TMEM117: variants seen among roughly 807,000 people sequenced by gnomAD.
The protein encoded by TMEM117 is transmembrane protein 117.
A neutral mutation model predicts 52.4 loss-of-function variants in TMEM117; 27 were observed. The ratio of observed to expected loss-of-function variants is 0.51; its 90% CI spans 0.38 to 0.71. The LOEUF is 0.71. Ranked by LOEUF, TMEM117 falls within the 30% of genes least tolerant of loss-of-function variation. TMEM117 has a pLI of 0.00. For synonymous variants in TMEM117, 215 were observed against 206.3 expected (o/e 1.04, Z -0.36); for missense variants, 556 against 630.5 (o/e 0.88, Z 1.26).
At chr12:44,218,674 A>T (rs1949750612) in intron 5 of TMEM117, among the ~76,000 whole-genome samples, 1 of 152,198 alleles carries the variant, frequency 6.6e-6, no homozygotes, top group Non-Finnish European at 1.5e-5. Flanking sequence ...TTGCACCCAG[A>T]CATAGAAAGA....
chr12:44,176,584 A>G (rs1949119430), intron 4 of TMEM117, among the ~76,000 whole-genome samples: 1 of 152,150 alleles, frequency 6.6e-6, no homozygotes, highest in South Asian at 2.1e-4. Context: ...TTTGCCTTAC[A>G]TATGGAGAGA....
rs575640265 is a variant in TMEM117, at chr12:44,149,939, A to G, written c.510+6315A>G. On this transcript the variant is annotated intron_variant, in intron 4 of 7. Transcript: ENST00000266534. ...TTGGAATAGAAGGCCAGGATGAGCA[A>G]ACTCATTGGACACATGTATATGAGA... 7.0e-4 allele frequency among the ~76,000 whole-genome samples: 107 copies of G among 152,348 alleles called. 1 individual carries two copies. Among genetic ancestry groups the G allele is most frequent in the African/African-American group, 2.4e-3 (99 of 41,580 alleles).
At chr12:44,314,175 A>G (rs569064000) in intron 6 of TMEM117, among the ~76,000 whole-genome samples, 6 of 152,132 alleles carry the variant, frequency 3.9e-5, no homozygotes, top group Non-Finnish European at 8.8e-5. Flanking sequence ...GTCTTGTTCC[A>G]GTTCTCATGG....
chr12:44,376,442 A>C (rs1644445428), intron 6 of TMEM117, 153 bp from the exon 7 acceptor site: 2 of 885,946 alleles, frequency 2.3e-6, no homozygotes, highest in Non-Finnish European at 3.7e-6. Context: ...TAATGTACAT[A>C]AAATAACCAT....
intron 5 of TMEM117, among the ~76,000 whole-genome samples, chr12:44,218,304 A>G (rs546982735): frequency 2.6e-5 from 4 of 152,322 alleles, no homozygotes; most frequent in African/African-American, 7.2e-5. Flanking sequence ...AGTGGGATTT[A>G]TCTCTGGGAT....
At chr12:43,903,318 T>C (rs1451339047) in intron 2 of TMEM117, among the ~76,000 whole-genome samples, 5 of 152,206 alleles carry the variant, frequency 3.3e-5, no homozygotes, top group Non-Finnish European at 5.9e-5. Context: ...TAAAAACTTT[T>C]CTAAGAAATC....
chr12:44,328,176 T>G (rs940904291), intron 6 of TMEM117, among the ~76,000 whole-genome samples: 6 of 152,304 alleles, frequency 3.9e-5, no homozygotes, highest in Non-Finnish European at 7.4e-5. Flanking sequence ...TGATACTAAT[T>G]GTATTAGTTA....
chr12:44,337,011 T>C (rs1951350560), intron 6 of TMEM117, among the ~76,000 whole-genome samples: 1 of 152,118 alleles, frequency 6.6e-6, no homozygotes. Context: ...ACTCAGTGTC[T>C]TCGGTATCTT....
At chr12:43,975,643 C>T (rs556453476) in intron 3 of TMEM117, among the ~76,000 whole-genome samples, 17 of 152,116 alleles carry the variant, frequency 1.1e-4, no homozygotes, top group Admixed American at 3.9e-4. Context: ...ATGATAATAT[C>T]GTATCTACTT....
chr12:44,057,749 T>G (rs1947079433), intron 3 of TMEM117, among the ~76,000 whole-genome samples: 1 of 152,176 alleles, frequency 6.6e-6, no homozygotes, highest in Admixed American at 6.6e-5. Context: ...TCTGCCACAT[T>G]GATAAGTTGT....
At chr12:44,393,519 T>A (rs1565790682), downstream of TMEM117, among the ~76,000 whole-genome samples, 1 of 151,566 alleles carries the variant, frequency 6.6e-6, no homozygotes, top group African/African-American at 2.4e-5. Flanking sequence ...CTTAGAGAGG[T>A]TTTTTTGACT....
chr12:43,998,322 T>C (rs1003897325), intron 3 of TMEM117, among the ~76,000 whole-genome samples: 1 of 152,238 alleles, frequency 6.6e-6, no homozygotes, highest in Non-Finnish European at 1.5e-5. Flanking sequence ...TTAATTAGTG[T>C]TAGCATAGTA....
intron 3 of TMEM117, among the ~76,000 whole-genome samples, chr12:43,946,406 T>TTTTTTTTTTTTTA (rs147787124): frequency 7.6e-6 from 1 of 131,832 alleles, no homozygotes; most frequent in Non-Finnish European, 1.6e-5. Flanking sequence ...TTTGTTTTTT[T>TTTTTTTTTTTTTA]ATCTAGAGCT....
chr12:43,802,522 GTGA>G, the TMEM117 span: 8 of 1,251,620 alleles, frequency 6.4e-6, no homozygotes, highest in Admixed American at 2.3e-5. Context: ...AAGTGGTAGT[GTGA>G]TGAAGACTAG....
chr12:44,008,230 G>A (rs867823351), intron 3 of TMEM117, among the ~76,000 whole-genome samples: 4 of 151,096 alleles, frequency 2.6e-5, no homozygotes, highest in Non-Finnish European at 4.4e-5. Context: ...CCTTGAGAGG[G>A]CCCAAATACT....
chr12:44,170,564 T>C (rs891431721), intron 4 of TMEM117, among the ~76,000 whole-genome samples: 17 of 152,322 alleles, frequency 1.1e-4, no homozygotes, highest in African/African-American at 4.1e-4. Context: ...ATTTTTCTTT[T>C]CTGGATGAAC....
chr12:44,203,834 T>A (rs566346183), intron 4 of TMEM117, among the ~76,000 whole-genome samples: 44 of 152,208 alleles, frequency 2.9e-4, no homozygotes, highest in African/African-American at 9.4e-4. Flanking sequence ...GATTTTTCTT[T>A]TTTTGAATTT....
At chr12:44,342,309 C>A (rs1951428370) in intron 6 of TMEM117, among the ~76,000 whole-genome samples, 1 of 152,118 alleles carries the variant, frequency 6.6e-6, no homozygotes. Flanking sequence ...AGGGAATCTG[C>A]CCTCCCTCTT....
chr12:44,311,027 G>A (rs772298990), intron 6 of TMEM117, among the ~76,000 whole-genome samples: 2 of 152,128 alleles, frequency 1.3e-5, no homozygotes, highest in Non-Finnish European at 2.9e-5. Flanking sequence ...CTAGATGATA[G>A]TCTCAGTTTA....
Sources: allele counts gnomAD v4.1 joint callset (sites outside exome capture counted in the v4.1 genomes callset), GRCh38; gene constraint gnomAD v4.1.1; transcripts MANE v1.5; gene names NCBI Gene and HGNC (gene_info 2026-07-23, HGNC 2026-07-21).